IQCJ: variants seen among roughly 807,000 people sequenced by gnomAD.
IQCJ encodes the protein IQ motif containing J, also known as IQ domain-containing protein J.
A neutral mutation model predicts 11.0 loss-of-function variants in IQCJ; 9 were observed. That is an observed-to-expected ratio of 0.82 (90% CI 0.49 to 1.43). The LOEUF (loss-of-function observed/expected upper bound fraction) is 1.43, where lower values mean the gene tolerates loss of function less well. IQCJ is among the 40% of genes most tolerant of loss of function. The pLI, the probability that IQCJ is intolerant of heterozygous loss-of-function variation, is 0.00. For missense variants in IQCJ, 146 were observed against 133.2 expected (o/e 1.10, Z -0.47); for synonymous variants, 55 against 51.3 (o/e 1.07, Z -0.31).
Position 159,093,384 on chromosome 3 carries a change from A to G in IQCJ, c.9+23943A>G, listed in dbSNP as rs1717480281. 2.6e-5 allele frequency among the ~76,000 whole-genome samples: 4 copies of G among 151,898 alleles called. 1 individual carries two copies. The highest frequency in any genetic ancestry group is 2.6e-4 in the Admixed American group (4 of 15,278). On this transcript the variant is annotated intron_variant, in intron 1 of 3. Transcript: ENST00000397832. ...TCACCACTTCCAACTCCTTTTGCTA[A>G]CTAATTCTTCGATAATAGATGATAT...
chr3:159,264,309 C>A (rs896116091), downstream of IQCJ, among the ~76,000 whole-genome samples: 1 of 152,172 alleles, frequency 6.6e-6, no homozygotes, highest in Non-Finnish European at 1.5e-5. Context: ...TGTACTGCTT[C>A]GATTCTAGCA....
chr3:159,156,707 A>G (rs1721539749), intron 1 of IQCJ, among the ~76,000 whole-genome samples: 1 of 152,156 alleles, frequency 6.6e-6, no homozygotes. Flanking sequence ...GTGTAAAGAG[A>G]CAGAGCTCCA....
intron 1 of IQCJ, among the ~76,000 whole-genome samples, chr3:159,187,741 T>C (rs1343684906): frequency 6.6e-6 from 1 of 152,224 alleles, no homozygotes; most frequent in African/African-American, 2.4e-5. Context: ...TGTCTCACAG[T>C]GTCCATCGGT....
At chr3:159,111,406 A>C (rs1718622673) in intron 1 of IQCJ, among the ~76,000 whole-genome samples, 1 of 152,174 alleles carries the variant, frequency 6.6e-6, no homozygotes, top group African/African-American at 2.4e-5. Flanking sequence ...TGAAAAAAAA[A>C]CTTGAAATAA....
intron 1 of IQCJ, among the ~76,000 whole-genome samples, chr3:159,116,631 TATATATATATATATATATA>T (rs1332326094): frequency 2.3e-5 from 1 of 43,806 alleles, no homozygotes; most frequent in Non-Finnish European, 5.1e-5. Flanking sequence ...TATATATATA[TATATATATATATATATATA>T]TATATATATA....
At chr3:159,242,895 C>T (rs980088235) in intron 1 of IQCJ, among the ~76,000 whole-genome samples, 2 of 151,972 alleles carry the variant, frequency 1.3e-5, no homozygotes, top group Non-Finnish European at 2.9e-5. Context: ...GAAATATTAG[C>T]AACACATACA....
At chr3:159,236,749 T>C (rs980601988) in intron 1 of IQCJ, among the ~76,000 whole-genome samples, 3 of 152,222 alleles carry the variant, frequency 2.0e-5, no homozygotes, top group Admixed American at 2.0e-4. Flanking sequence ...TCATGTTTAA[T>C]GATGCAGAGT....
At chr3:159,231,760 C>A (rs1461459846) in intron 1 of IQCJ, among the ~76,000 whole-genome samples, 1 of 151,944 alleles carries the variant, frequency 6.6e-6, no homozygotes, top group South Asian at 2.1e-4. Flanking sequence ...TGTCTGGTCC[C>A]GGGCTTTTAT....
intron 1 of IQCJ, among the ~76,000 whole-genome samples, chr3:159,230,282 A>G (rs1255643593): frequency 6.6e-6 from 1 of 152,112 alleles, no homozygotes; most frequent in Non-Finnish European, 1.5e-5. Context: ...TTCTTTATCC[A>G]ATCTATCACT....
intron 1 of IQCJ, among the ~76,000 whole-genome samples, chr3:159,227,793 C>T (rs147235155): frequency 5.8e-4 from 88 of 152,292 alleles, no homozygotes; most frequent in African/African-American, 2.0e-3. Context: ...TTCGGAAGAG[C>T]CTTTCCAATA....
chr3:159,168,924 C>T (rs1000149343), intron 1 of IQCJ, among the ~76,000 whole-genome samples: 3 of 151,834 alleles, frequency 2.0e-5, no homozygotes, highest in African/African-American at 4.8e-5. Flanking sequence ...GCAGAGAGAA[C>T]AATTCTCATC....
At chr3:159,094,241 GTTC>G (rs1431068001) in intron 1 of IQCJ, among the ~76,000 whole-genome samples, 1 of 150,700 alleles carries the variant, frequency 6.6e-6, no homozygotes, top group East Asian at 1.9e-4. Context: ...TGGCCTCAAG[GTTC>G]TTATGTTTGG....
intron 1 of IQCJ, among the ~76,000 whole-genome samples, chr3:159,126,849 C>T (rs559371862): frequency 5.9e-5 from 9 of 152,268 alleles, no homozygotes; most frequent in Non-Finnish European, 1.0e-4. Flanking sequence ...AATCAACTCA[C>T]CACTGCAGTG....
chr3:159,199,900 T>C (rs1167322349), intron 1 of IQCJ, among the ~76,000 whole-genome samples: 2 of 151,754 alleles, frequency 1.3e-5, no homozygotes, highest in South Asian at 2.1e-4. Context: ...AGCTAGCTTT[T>C]CTGGGTTCAA....
intron 1 of IQCJ, among the ~76,000 whole-genome samples, chr3:159,136,445 G>T (rs1369145622): frequency 6.6e-6 from 1 of 152,122 alleles, no homozygotes; most frequent in African/African-American, 2.4e-5. Context: ...TACTTTTATA[G>T]GCAAAAATGT....
At chr3:159,179,548 C>T (rs1243289123) in intron 1 of IQCJ, among the ~76,000 whole-genome samples, 1 of 152,176 alleles carries the variant, frequency 6.6e-6, no homozygotes, top group Non-Finnish European at 1.5e-5. Context: ...TGTGAATCAT[C>T]TTCTCACTGG....
intron 1 of IQCJ, among the ~76,000 whole-genome samples, chr3:159,149,853 G>A (rs1216180952): frequency 6.6e-6 from 1 of 152,082 alleles, no homozygotes; most frequent in Non-Finnish European, 1.5e-5. Context: ...GCTTCCAAGG[G>A]CAGGGAGGTG....
intron 1 of IQCJ, among the ~76,000 whole-genome samples, chr3:159,192,158 T>A (rs1014148857): frequency 2.0e-5 from 3 of 152,314 alleles, no homozygotes; most frequent in African/African-American, 7.2e-5. Context: ...CTAGATGATC[T>A]TGTTGGTAAA....
intron 1 of IQCJ, among the ~76,000 whole-genome samples, chr3:159,243,009 A>G (rs1387364663): frequency 1.3e-5 from 2 of 152,200 alleles, no homozygotes; most frequent in East Asian, 3.9e-4. Context: ...ACTCAACATT[A>G]TTAGTTATCA....
Sources: allele counts gnomAD v4.1 joint callset (sites outside exome capture counted in the v4.1 genomes callset), GRCh38; gene constraint gnomAD v4.1.1; transcripts MANE v1.5; gene names NCBI Gene and HGNC (gene_info 2026-07-23, HGNC 2026-07-21).